Variants in SLC24A2 observed in about 807,000 individuals in gnomAD.
SLC24A2 encodes solute carrier family 24 member 2.
In SLC24A2, 36 loss-of-function variants were observed where a neutral mutation model predicts 62.0. The observed-to-expected ratio is 0.58, with a 90% CI of 0.44 to 0.77. The LOEUF is 0.77. Among genes scored for constraint, SLC24A2 ranks in the 30% least tolerant of loss-of-function variants. The probability of loss-of-function intolerance (pLI) is 0.00; values close to 1 mark genes in which losing one functional copy is unlikely to be tolerated. For missense variants in SLC24A2, 846 were observed against 817.9 expected (o/e 1.03, Z -0.42); for synonymous variants, 358 against 294.0 (o/e 1.22, Z -2.23).
intron 2 of SLC24A2, among the ~76,000 whole-genome samples, chr9:19,674,491 A>T (rs1175744041): frequency 6.6e-6 from 1 of 152,194 alleles, no homozygotes; most frequent in African/African-American, 2.4e-5. Flanking sequence ...CTTCTCCTTC[A>T]GGAACACCAA....
At chr9:19,869,513 A>G in the SLC24A2 span, among the ~76,000 whole-genome samples, 1 of 152,172 alleles carries the variant, frequency 6.6e-6, no homozygotes, top group Non-Finnish European at 1.5e-5. Flanking sequence ...CAGGTTGCAT[A>G]AATGTTTTTG....
chr9:20,225,574 A>ATTATATATATAATATATATATATTATAT, the SLC24A2 span, among the ~76,000 whole-genome samples: 1 of 90,884 alleles, frequency 1.1e-5, no homozygotes. Context: ...ATATATATAT[A>ATTATATATATAATATATATATATTATAT]ATTTCATTTA....
At chr9:19,715,171 C>A (rs996909699) in intron 2 of SLC24A2, among the ~76,000 whole-genome samples, 3 of 152,096 alleles carry the variant, frequency 2.0e-5, no homozygotes, top group African/African-American at 4.8e-5. Flanking sequence ...AAGCTTTGAA[C>A]AGAATTATAG....
At chr9:20,283,495 T>A in the SLC24A2 span, among the ~76,000 whole-genome samples, 16 of 152,254 alleles carry the variant, frequency 1.1e-4, no homozygotes, top group South Asian at 2.1e-4. Context: ...AGTCTACATG[T>A]TAGCAGTGGA....
At chr9:19,523,740 G>C (rs1393315429) in intron 9 of SLC24A2, among the ~76,000 whole-genome samples, 1 of 152,180 alleles carries the variant, frequency 6.6e-6, no homozygotes, top group Non-Finnish European at 1.5e-5. Context: ...TGGGATTGCA[G>C]GGGTGAGCCA....
At chr9:19,607,904 C>T (rs1468940379) in intron 4 of SLC24A2, among the ~76,000 whole-genome samples, 3 of 152,018 alleles carry the variant, frequency 2.0e-5, no homozygotes, top group Admixed American at 6.6e-5. Flanking sequence ...ATAATGTGTA[C>T]AACACAAAGA....
intron 2 of SLC24A2, among the ~76,000 whole-genome samples, chr9:19,643,810 T>C (rs1189031514): frequency 1.3e-5 from 2 of 152,214 alleles, no homozygotes; most frequent in Non-Finnish European, 2.9e-5. Context: ...GAGGGTGACA[T>C]TGACATGTGT....
chr9:19,776,545 A>C (rs1044362373), intron 2 of SLC24A2, among the ~76,000 whole-genome samples: 4 of 152,214 alleles, frequency 2.6e-5, no homozygotes, highest in African/African-American at 7.2e-5. Context: ...CCTTGTCAGA[A>C]GCCACAAATG....
the SLC24A2 span, among the ~76,000 whole-genome samples, chr9:20,013,108 C>G: frequency 0.28 from 41,881 of 151,636 alleles, 6,509 homozygotes; most frequent in East Asian, 0.59. Flanking sequence ...CAGTGTTAAG[C>G]AAAAAGAACA....
At chr9:19,795,766 T>C in the SLC24A2 span, among the ~76,000 whole-genome samples, 152 of 152,252 alleles carry the variant, frequency 1.0e-3, no homozygotes, top group African/African-American at 3.4e-3. Context: ...ATTCTTCCCA[T>C]ATAGTTATAT....
the SLC24A2 span, among the ~76,000 whole-genome samples, chr9:19,848,387 A>C: frequency 5.9e-5 from 9 of 152,274 alleles, no homozygotes; most frequent in Non-Finnish European, 8.8e-5. Context: ...TACCTGTACA[A>C]ATTATTTATT....
intron 2 of SLC24A2, among the ~76,000 whole-genome samples, chr9:19,681,826 T>C (rs941389332): frequency 7.2e-5 from 11 of 152,188 alleles, no homozygotes; most frequent in African/African-American, 2.7e-4. Flanking sequence ...TATAGATTAG[T>C]GAGTGGCAAA....
chr9:19,913,925 G>A, the SLC24A2 span, among the ~76,000 whole-genome samples: 1 of 150,992 alleles, frequency 6.6e-6, no homozygotes, highest in African/African-American at 2.4e-5. Flanking sequence ...AATTCTTACT[G>A]TATCCCAAAC....
At chr9:19,819,474 C>T in the SLC24A2 span, among the ~76,000 whole-genome samples, 1 of 152,030 alleles carries the variant, frequency 6.6e-6, no homozygotes, top group Non-Finnish European at 1.5e-5. Flanking sequence ...ATACCAGAAT[C>T]TATGACGAAC....
the SLC24A2 span, among the ~76,000 whole-genome samples, chr9:20,034,662 G>A: frequency 6.6e-6 from 1 of 151,914 alleles, no homozygotes; most frequent in African/African-American, 2.4e-5. Context: ...TAGAGACGGG[G>A]TTTCACCGTG....
rs1182533670 is a variant in SLC24A2 at position 19,513,184 on chromosome 9, ATATATATGTATATATT to A, written c.*2953_*2968del. On this transcript the variant is annotated 3_prime_UTR_variant, in exon 11 of 11. Transcript: ENST00000341998. ...TATATATATATATATATGTATATAT[ATATATATGTATATATT>A]TATATATGTATATACACAGGCATGC... 4.3e-5 allele frequency: 4 copies of A among 93,432 alleles called. No homozygotes were observed. Among genetic ancestry groups the A allele is most frequent in the South Asian group, 6.9e-4 (2 of 2,908 alleles). 5.8% of individuals were successfully genotyped at this position (93,432 alleles called of 1,614,324 possible).
At chr9:19,755,910 T>C (rs1313731624) in intron 2 of SLC24A2, among the ~76,000 whole-genome samples, 1 of 90,874 alleles carries the variant, frequency 1.1e-5, no homozygotes, top group Non-Finnish European at 2.5e-5. Flanking sequence ...TCTCATTGTA[T>C]TACAATGGGC....
At chr9:19,674,494 A>G (rs1046503664) in intron 2 of SLC24A2, among the ~76,000 whole-genome samples, 3 of 152,192 alleles carry the variant, frequency 2.0e-5, no homozygotes, top group African/African-American at 7.2e-5. Context: ...CTCCTTCAGG[A>G]ACACCAATTA....
chr9:20,297,149 G>T, the SLC24A2 span, among the ~76,000 whole-genome samples: 1 of 152,158 alleles, frequency 6.6e-6, no homozygotes, highest in Non-Finnish European at 1.5e-5. Flanking sequence ...GGAGAGCAAG[G>T]ATTCAAACCC....
Sources: gnomAD v4.1 joint callset for allele counts (sites outside exome capture counted in the v4.1 genomes callset) on GRCh38, gnomAD v4.1.1 for gene constraint, MANE v1.5 for transcripts, NCBI Gene and HGNC (gene_info 2026-07-23, HGNC 2026-07-21) for gene names.